ASPH: variants seen among roughly 807,000 people sequenced by gnomAD.
The protein encoded by ASPH is aspartate beta-hydroxylase, also known as aspartyl/asparaginyl beta-hydroxylase.
Under a neutral mutation model 118.4 loss-of-function variants are expected in ASPH, and 100 were observed. That is an observed-to-expected ratio of 0.84 (90% CI 0.72 to 1.00). The LOEUF is 1.00. Among genes scored for constraint, ASPH ranks in the 50% least tolerant of loss-of-function variants. The probability of loss-of-function intolerance (pLI) is 0.00; values close to 1 mark genes in which losing one functional copy is unlikely to be tolerated. For synonymous variants in ASPH, 315 were observed against 325.6 expected (o/e 0.97, Z 0.35); for missense variants, 920 against 919.5 (o/e 1.00, Z -0.01).
In ASPH at chr8:61,500,748, T is replaced by TATTA. The variant is rs1563590761; in HGVS notation, c.*2607_*2610dup. The TATTA allele has an allele frequency of 6.6e-6, 1 of 152,236 alleles. No individual in the cohort carries two copies. The highest frequency in any genetic ancestry group is 1.5e-5 in the Non-Finnish European group (1 of 68,036). 9.4% of individuals were successfully genotyped at this position (152,236 alleles called of 1,614,324 possible). The stretch of plus-strand genomic sequence containing the variant: ...CAGCCATCTGCATGACATGGGTATT[T>TATTA]ATTAGTATTACCAGTTGGTGCTCAA... On this transcript the variant is annotated 3_prime_UTR_variant, in exon 25 of 25. Transcript: ENST00000379454.
Position 61,641,477 on chromosome 8 carries a change from C to T in ASPH, c.790+1411G>A, listed in dbSNP as rs148866374. Among the ~76,000 whole-genome samples, 3 of 152,120 alleles carry T rather than the reference C, an allele frequency of 2.0e-5. No individual in the cohort carries two copies. The East Asian group carries it at 5.8e-4, about 29-fold the overall frequency. Reference sequence around the variant, plus strand: ...GTGCAATCTCAAGACCAAATTATTCCCCAACCTTCCCTCGGCCCCAAATCT... The same window carrying T: ...GTGCAATCTCAAGACCAAATTATTCTCCAACCTTCCCTCGGCCCCAAATCT... On this transcript the variant is annotated intron_variant, in intron 10 of 24. Coordinates refer to ENST00000379454, the MANE Select transcript of ASPH (RefSeq NM_004318.4).
chr8:61,663,315 A>G (rs1817877317), intron 3 of ASPH: 1 of 985,266 alleles, frequency 1.0e-6, no homozygotes, highest in Middle Eastern at 5.2e-4. Context: ...ACCATCCTCA[A>G]CTACAAAAAT....
intron 5 of ASPH, among the ~76,000 whole-genome samples, chr8:61,649,612 C>T (rs1016881962): frequency 6.6e-6 from 1 of 152,142 alleles, no homozygotes; most frequent in African/African-American, 2.4e-5. Flanking sequence ...GGCCAGAACA[C>T]GGTGCTAGAC....
At chr8:61,672,620 A>G (rs1224855285) in intron 3 of ASPH, among the ~76,000 whole-genome samples, 2 of 152,194 alleles carry the variant, frequency 1.3e-5, no homozygotes, top group Non-Finnish European at 2.9e-5. Context: ...ATATTAATGA[A>G]TATCACATGC....
At chr8:61,639,696 A>G (rs1359084035) in intron 10 of ASPH, among the ~76,000 whole-genome samples, 4 of 152,080 alleles carry the variant, frequency 2.6e-5, no homozygotes, top group Admixed American at 6.5e-5. Context: ...CACACTCACA[A>G]TCACGAAGTA....
At chr8:61,508,782 C>T (rs965041524) in intron 24 of ASPH, among the ~76,000 whole-genome samples, 1 of 152,178 alleles carries the variant, frequency 6.6e-6, no homozygotes, top group Non-Finnish European at 1.5e-5. Flanking sequence ...CTGTAGATGA[C>T]ATGCTGAGGT....
At chr8:61,549,774 C>T (rs1825229521) in intron 20 of ASPH, among the ~76,000 whole-genome samples, 1 of 152,140 alleles carries the variant, frequency 6.6e-6, no homozygotes, top group Non-Finnish European at 1.5e-5. Flanking sequence ...AAAAATCTGA[C>T]AGTCCATTTT....
chr8:61,655,162 T>C (rs983949879), intron 3 of ASPH, among the ~76,000 whole-genome samples: 2 of 152,168 alleles, frequency 1.3e-5, no homozygotes, highest in African/African-American at 2.4e-5. Flanking sequence ...TGAACACTTG[T>C]TGAAGGGCTG....
At chr8:61,610,150 A>G (rs538169953) in intron 14 of ASPH, among the ~76,000 whole-genome samples, 23 of 152,354 alleles carry the variant, frequency 1.5e-4, no homozygotes, top group African/African-American at 5.5e-4. Flanking sequence ...ATCATTATAC[A>G]AATTAGCTTT....
intron 15 of ASPH, among the ~76,000 whole-genome samples, chr8:61,582,451 T>A (rs535512755): frequency 6.6e-6 from 1 of 152,294 alleles, no homozygotes; most frequent in Admixed American, 6.5e-5. Flanking sequence ...TCAATTCTAT[T>A]AAGAAATACA....
rs573774633 is a variant in ASPH at position 61,546,494 on chromosome 8, T to C, written c.1764+1577A>G. 1.1e-4 allele frequency among the ~76,000 whole-genome samples: 16 copies of C among 152,306 alleles called. No individual in the cohort carries two copies. In the East Asian group the frequency reaches 2.9e-3, roughly 28 times the overall value. On this transcript the variant is annotated intron_variant, in intron 21 of 24. Transcript: ENST00000379454. Reference sequence around the variant, plus strand: ...AACAAAAAAACCCGACAGTGCTAAATGTAGCCGACCTATCAAGGAAGATGT... The same window carrying C: ...AACAAAAAAACCCGACAGTGCTAAACGTAGCCGACCTATCAAGGAAGATGT...
chr8:61,549,531 T>G (rs1358520768), intron 20 of ASPH, among the ~76,000 whole-genome samples: 3 of 152,196 alleles, frequency 2.0e-5, no homozygotes, highest in Non-Finnish European at 4.4e-5. Flanking sequence ...CATATACAAA[T>G]CATTCTTAAA....
chr8:61,702,433 C>T (rs1220736972), intron 1 of ASPH, among the ~76,000 whole-genome samples: 1 of 151,910 alleles, frequency 6.6e-6, no homozygotes, highest in African/African-American at 2.4e-5. Context: ...TACAGGTGCC[C>T]GCCACCACAC....
At chr8:61,638,437 G>T in intron 10 of ASPH, 74 bp from the exon 11 acceptor site, 2 of 1,317,076 alleles carry the variant, frequency 1.5e-6, no homozygotes, top group Non-Finnish European at 2.1e-6. Flanking sequence ...TGCTTTAAGG[G>T]CAGAGACAAT....
chr8:61,608,460 C>T (rs117693606), intron 14 of ASPH, among the ~76,000 whole-genome samples: 9 of 152,296 alleles, frequency 5.9e-5, no homozygotes, highest in Non-Finnish European at 1.3e-4. Context: ...GGTTTGCTTA[C>T]CATTTGTGGC....
intron 21 of ASPH, among the ~76,000 whole-genome samples, chr8:61,546,804 A>T (rs978679202): frequency 1.3e-5 from 2 of 152,220 alleles, no homozygotes; most frequent in Non-Finnish European, 2.9e-5. Flanking sequence ...TTTATTTTAG[A>T]TGTTACTTAA....
chr8:61,698,243 T>C (rs191261987), intron 1 of ASPH, among the ~76,000 whole-genome samples: 1 of 152,382 alleles, frequency 6.6e-6, no homozygotes, highest in Non-Finnish European at 1.5e-5. Flanking sequence ...ACAGCTGGAT[T>C]GGCTACAGCT....
chr8:61,667,173 C>CGTGAA (rs1820089595), intron 3 of ASPH, among the ~76,000 whole-genome samples: 3 of 152,090 alleles, frequency 2.0e-5, no homozygotes, highest in Admixed American at 1.3e-4. Flanking sequence ...ATGCCAAGCC[C>CGTGAA]GTGAAATGAC....
At chr8:61,529,902 GC>G (rs1210061571) in intron 21 of ASPH, among the ~76,000 whole-genome samples, 1 of 152,138 alleles carries the variant, frequency 6.6e-6, no homozygotes, top group African/African-American at 2.4e-5. Flanking sequence ...TGAATGTTTT[GC>G]CCTTAAGGCA....
Sources: gnomAD v4.1 joint callset for allele counts (sites outside exome capture counted in the v4.1 genomes callset) on GRCh38, gnomAD v4.1.1 for gene constraint, MANE v1.5 for transcripts, NCBI Gene and HGNC (gene_info 2026-07-23, HGNC 2026-07-21) for gene names.